GIPC1: variants seen among roughly 807,000 people sequenced by gnomAD.
The protein encoded by GIPC1 is PDZ domain-containing protein GIPC1.
In GIPC1, 15 loss-of-function variants were observed where a neutral mutation model predicts 28.5. The ratio of observed to expected loss-of-function variants is 0.53; its 90% confidence interval spans 0.35 to 0.81. The LOEUF (loss-of-function observed/expected upper bound fraction) is 0.81. GIPC1 is among the 30% of genes least tolerant of loss of function. The probability of loss-of-function intolerance (pLI) is 0.01; values close to 1 mark genes in which losing one functional copy is unlikely to be tolerated. For missense variants in GIPC1, 439 were observed against 481.9 expected (o/e 0.91, Z 0.83); for synonymous variants, 224 against 206.1 (o/e 1.09, Z -0.74).
chr19:14,495,990 C>A, intron 1 of GIPC1, 47 bp downstream of exon 1: 1 of 196,356 alleles, frequency 5.1e-6, no homozygotes. Flanking sequence ...GCCCGCGACC[C>A]CCGAGGCCCC....
At chr19:14,481,119 G>A (rs913910289) in intron 4 of GIPC1, among the ~76,000 whole-genome samples, 2 of 151,930 alleles carry the variant, frequency 1.3e-5, no homozygotes, top group African/African-American at 2.4e-5. Flanking sequence ...ACAGGTGCTC[G>A]CCACCATGCC....
At chr19:14,493,762 C>T (rs890824124) in intron 1 of GIPC1, among the ~76,000 whole-genome samples, 5 of 152,078 alleles carry the variant, frequency 3.3e-5, no homozygotes, top group Admixed American at 1.3e-4. Flanking sequence ...CGGGTTCAAG[C>T]GATTCTCTCC....
At chr19:14,481,142 G>C (rs1242123741) in intron 4 of GIPC1, among the ~76,000 whole-genome samples, 2 of 152,038 alleles carry the variant, frequency 1.3e-5, no homozygotes, top group African/African-American at 4.8e-5. Flanking sequence ...GCTAATTTTT[G>C]TATTTTTTGT....
rs1370969966 is a variant in GIPC1 at position 14,489,423 on chromosome 19, T to C, written c.-31+2233A>G. The C allele has an allele frequency of 6.0e-6, 5 of 828,076 alleles. No individual in the cohort carries two copies. The African/African-American group carries it at 6.7e-5, about 11-fold the overall frequency. 51.3% of individuals were successfully genotyped at this position (828,076 alleles called of 1,614,324 possible). On this transcript the variant is annotated intron_variant, in intron 3 of 8. Transcript: ENST00000393033. ...CTCACCCTCCTGAGTTGAAAAAATT[T>C]ACGGACAAGAAGTTTTCATTGAAAT...
chr19:14,479,628 C>T (rs781295570), intron 6 of GIPC1, 104 bp from the exon 7 acceptor site: 2 of 548,288 alleles, frequency 3.6e-6, no homozygotes, highest in Non-Finnish European at 6.1e-6. Context: ...CAAACTTCTC[C>T]AGGCTTCTGC....
At chr19:14,488,859 G>T (rs370024714) in intron 3 of GIPC1, among the ~76,000 whole-genome samples, 1 of 151,494 alleles carries the variant, frequency 6.6e-6, no homozygotes, top group Non-Finnish European at 1.5e-5. Flanking sequence ...AGGCCTGGGG[G>T]GTTGGAACAG....
At position 14,480,666 on chromosome 19, in the gene GIPC1, AC is replaced by A. The variant is rs754681981; in HGVS notation, c.400del (p.Val134TrpfsTer32). 4 of 1,613,480 alleles carry A rather than the reference AC, an allele frequency of 2.5e-6. No individual in the cohort carries two copies. The highest frequency in any genetic ancestry group is 3.4e-6 in the Non-Finnish European group (4 of 1,179,858). ...FAHVKGQRKE[V>X]EVFKSEDALG... The stretch of plus-strand genomic sequence containing the variant: ...TGCATCCTCCGACTTGAACACCTCC[AC>A]CTCCTTGCGCTGCCCCTTCACGTGG... On this transcript the variant is annotated frameshift_variant, in exon 5 of 9. Transcript: ENST00000393033. LOFTEE classifies it high-confidence loss of function.
chr19:14,478,426 C>A lies in GIPC1; in HGVS notation c.992G>T (p.Gly331Val). The A allele has an allele frequency of 6.2e-7, 1 of 1,608,640 alleles. No homozygotes were observed. Among genetic ancestry groups the A allele is most frequent in the African/African-American group, 1.3e-5 (1 of 74,928 alleles). ...VWGAIGDAKV[G>V]RY is the part of the protein sequence containing the mutation. ...GGTCCGGGGGCAGTCCTAGTAGCGGCCGACCTTGGCGTCCCCAATGGCGCC... is the reference window on the plus strand; with the variant it reads ...GGTCCGGGGGCAGTCCTAGTAGCGGACGACCTTGGCGTCCCCAATGGCGCC... Residue 331 changes from glycine (G) to valine (V), a missense_variant, in exon 9 of 9, where the codon GGC (glycine) becomes GTC (valine). Gly to Val is a moderately radical substitution (Grantham distance 109). Coordinates refer to ENST00000393033, the MANE Select transcript of GIPC1 (RefSeq NM_005716.4). This position sits in a 1 kb window ranked among gnomAD's most constrained non-coding sequence, Gnocchi z 5.2.
In GIPC1 at chr19:14,480,362, C is replaced by T; in HGVS notation, c.598G>A (p.Glu200Lys). ...RHYEVARLLK[E>K]LPRGRTFTLK... The stretch of plus-strand genomic sequence containing the variant: ...GTGAAGGTACGGCCTCGGGGCAGCT[C>T]CTTGAGCAGCCGGGCCACCTCGTAG... The change falls in exon 6 of 9, where the codon GAG becomes AAG. Residue 200 changes from glutamate to lysine, a missense_variant. By Grantham distance (56) the Glu-to-Lys change is moderately conservative. Coordinates refer to ENST00000393033, the MANE Select transcript of GIPC1 (RefSeq NM_005716.4). 6.2e-7 allele frequency: 1 copy of T among 1,612,482 alleles called. No individual in the cohort carries two copies.
intron 2 of GIPC1, among the ~76,000 whole-genome samples, chr19:14,491,999 T>C: frequency 6.6e-6 from 1 of 151,204 alleles, no homozygotes; most frequent in Non-Finnish European, 1.5e-5. Flanking sequence ...ACCCGGGAGG[T>C]GGAGTTTGCA....
chr19:14,495,678 T>A lies in GIPC1; in HGVS notation c.-175+359A>T, dbSNP rs149840766. Among the ~76,000 whole-genome samples the A allele has an allele frequency of 3.5e-4, 54 of 152,158 alleles. No homozygotes were observed. In the East Asian group the frequency reaches 0.01, roughly 29 times the overall value. On this transcript the variant is annotated intron_variant, in intron 1 of 8. Coordinates refer to ENST00000393033, the MANE Select transcript of GIPC1 (RefSeq NM_005716.4). ...CGTCCCCCCCAAGGCCCTGGAGGGT[T>A]CAGACGCGGTTAGCTCAGGGGAAGT...
chr19:14,486,718 T>TC (rs1239461028), intron 3 of GIPC1, among the ~76,000 whole-genome samples: 74 of 148,182 alleles, frequency 5.0e-4, no homozygotes, highest in Non-Finnish European at 5.5e-4. Flanking sequence ...CTTTCTTTTT[T>TC]TTTTTTTTTT....
At chr19:14,484,127 CTCTTT>C (rs2071788291) in intron 3 of GIPC1, among the ~76,000 whole-genome samples, 1 of 126,130 alleles carries the variant, frequency 7.9e-6, no homozygotes, top group Non-Finnish European at 1.6e-5. Flanking sequence ...GAGACCCTGA[CTCTTT>C]TTTTTTTTTT....
At position 14,483,020 on chromosome 19, in the gene GIPC1, A is replaced by G; in HGVS notation, c.-30-14T>C. On this transcript the variant is annotated splice_polypyrimidine_tract_variant and intron_variant, in intron 3 of 8. Transcript: ENST00000393033. ...TCACCAGAAGATCTGCAGGACAGGA[A>G]GTGGGGCTCAGGGCCTGGGCAGAGG... 2 of 1,584,746 alleles carry G rather than the reference A, an allele frequency of 1.3e-6. No individual in the cohort carries two copies. The highest frequency in any genetic ancestry group is 8.6e-7 in the Non-Finnish European group (1 of 1,167,520).
chr19:14,481,049 A>G (rs1006132779), intron 4 of GIPC1, among the ~76,000 whole-genome samples: 7 of 152,152 alleles, frequency 4.6e-5, no homozygotes, highest in East Asian at 3.9e-4. Flanking sequence ...TAGTCACTGC[A>G]GCCACAACCT....
chr19:14,479,597 T>C (rs1196265131), intron 6 of GIPC1, 73 bp from the exon 7 acceptor site: 11 of 749,852 alleles, frequency 1.5e-5, no homozygotes, highest in African/African-American at 1.9e-5. Flanking sequence ...AACTTGTCCT[T>C]CCTGGCTTTC....
chr19:14,493,875 G>T (rs920018277), intron 1 of GIPC1, among the ~76,000 whole-genome samples: 1 of 151,790 alleles, frequency 6.6e-6, no homozygotes, highest in Non-Finnish European at 1.5e-5. Flanking sequence ...TGGTCAGGCT[G>T]GTCTTGAACT....
chr19:14,480,113 G>A (rs1054788351), intron 6 of GIPC1, 192 bp downstream of exon 6: 2 of 602,054 alleles, frequency 3.3e-6, no homozygotes, highest in Non-Finnish European at 5.9e-6. Flanking sequence ...CCTCGCCCCC[G>A]CCCTTCTCCC....
chr19:14,487,218 T>C (rs2071865530), intron 3 of GIPC1, among the ~76,000 whole-genome samples: 1 of 151,244 alleles, frequency 6.6e-6, no homozygotes, highest in Non-Finnish European at 1.5e-5. Context: ...TTTCTTTTTT[T>C]CTTTTTTTTC....
Sources: gnomAD v4.1 joint callset for allele counts (sites outside exome capture counted in the v4.1 genomes callset) on GRCh38, gnomAD v4.1.1 for gene constraint, Gnocchi (gnomAD v3.1) non-coding constraint, MANE v1.5 for transcripts, NCBI Gene and HGNC (gene_info 2026-07-23, HGNC 2026-07-21) for gene names.